Variants in BEND4 observed in about 807,000 individuals in gnomAD.
BEND4 encodes BEN domain-containing protein 4.
In BEND4, 27 loss-of-function variants were observed where a neutral mutation model predicts 54.7. That is an observed-to-expected ratio of 0.49 (90% CI 0.36 to 0.68). The LOEUF is 0.68. BEND4 is among the 30% of genes least tolerant of loss of function. The pLI is 0.00. For synonymous variants in BEND4, 327 were observed against 299.5 expected (o/e 1.09, Z -0.95); for missense variants, 702 against 697.2 (o/e 1.01, Z -0.08).
Position 42,116,489 on chromosome 4 carries a change from G to A in BEND4, c.*1029C>T, listed in dbSNP as rs1204239802. 2 of 152,198 alleles carry A rather than the reference G, an allele frequency of 1.3e-5. No individual in the cohort carries two copies. Among genetic ancestry groups the A allele is most frequent in the African/African-American group, 2.4e-5 (1 of 41,428 alleles). 9.4% of individuals were successfully genotyped at this position (152,198 alleles called of 1,614,324 possible). ...GAGGGGATGAAATGTTTTCATCAAG[G>A]ACAATGGGAAACAAGTTTCATACAA... On this transcript the variant is annotated 3_prime_UTR_variant, in exon 6 of 6. Transcript: ENST00000502486.
At position 42,152,513 on chromosome 4, in the gene BEND4, G is replaced by C. The variant is rs1241015197; in HGVS notation, c.-234+19C>G. The C allele has an allele frequency of 6.4e-6, 1 of 155,720 alleles. No homozygotes were observed. Among genetic ancestry groups the C allele is most frequent in the African/African-American group, 2.4e-5 (1 of 41,660 alleles). 9.6% of individuals were successfully genotyped at this position (155,720 alleles called of 1,614,324 possible). ...TCCGCGCCTCCGACGGGGAGCGGGG[G>C]AAGGGGGAAAGCGAGGACCTGGAGG... On this transcript the variant is annotated intron_variant, in intron 1 of 5. Coordinates refer to ENST00000502486, the MANE Select transcript of BEND4 (RefSeq NM_207406.4).
At chr4:42,147,353 C>A (rs1376715862) in intron 2 of BEND4, among the ~76,000 whole-genome samples, 8 of 152,118 alleles carry the variant, frequency 5.3e-5, no homozygotes, top group African/African-American at 1.9e-4. Context: ...AATTATAAAT[C>A]CAAGTACTGT....
rs1452129464 is a variant in BEND4 at position 42,151,723 on chromosome 4, C to G, written c.421G>C (p.Gly141Arg). The G allele has an allele frequency of 6.6e-7, 1 of 1,505,350 alleles. No homozygotes were observed. Among genetic ancestry groups the G allele is most frequent in the Non-Finnish European group, 8.8e-7 (1 of 1,132,160 alleles). 93.2% of individuals were successfully genotyped at this position (1,505,350 alleles called of 1,614,324 possible). Residue 141 changes from glycine to arginine, a missense_variant, in exon 2 of 6, where the codon GGC (glycine) becomes CGC (arginine). Physicochemically the swap from Gly to Arg is moderately radical, Grantham distance 125. Transcript: ENST00000502486. Reference sequence around the variant, plus strand: ...CCGGTGCCGGCGGCCGCCGCCGCGCCTGGGCCATACCTGACGACAGCGGCG... The same window carrying G: ...CCGGTGCCGGCGGCCGCCGCCGCGCGTGGGCCATACCTGACGACAGCGGCG... The part of the protein sequence containing the change: ...SFAAVVRYGP[G>R]AAAAAGTGGT...
chr4:42,148,845 G>A (rs572305857), intron 2 of BEND4, among the ~76,000 whole-genome samples: 24 of 152,118 alleles, frequency 1.6e-4, no homozygotes, highest in Admixed American at 1.6e-3. Context: ...ATCTACGTGG[G>A]TTTTAACTCT....
chr4:42,132,127 T>TG (rs1720528739), intron 3 of BEND4, among the ~76,000 whole-genome samples: 1 of 152,250 alleles, frequency 6.6e-6, no homozygotes. Flanking sequence ...CGGAGGTGCA[T>TG]GGGCACTGAA....
intron 4 of BEND4, among the ~76,000 whole-genome samples, chr4:42,123,694 GA>G (rs71664396): frequency 8.5e-3 from 433 of 50,814 alleles, no homozygotes; most frequent in South Asian, 0.023. Context: ...CTGTAATTCA[GA>G]AAAAAAAAAA....
chr4:42,117,765 G>GA, intron 5 of BEND4, 30 bp from the exon 6 acceptor site: 2 of 1,472,778 alleles, frequency 1.4e-6, no homozygotes, highest in Non-Finnish European at 1.8e-6. Context: ...ATCAAAAAGA[G>GA]AGAGAGAAAA....
intron 3 of BEND4, among the ~76,000 whole-genome samples, chr4:42,133,587 G>A (rs1353149224): frequency 6.6e-6 from 1 of 152,234 alleles, no homozygotes; most frequent in Non-Finnish European, 1.5e-5. Flanking sequence ...AGGCGCCGTG[G>A]CTCATGCCCG....
At chr4:42,124,987 A>T (rs761741616) in intron 4 of BEND4, among the ~76,000 whole-genome samples, 6 of 152,252 alleles carry the variant, frequency 3.9e-5, no homozygotes, top group Non-Finnish European at 7.4e-5. Context: ...TCCCCAGGGG[A>T]TTCTCATGGG....
rs1282484594 is a variant in BEND4, at chr4:42,111,372, T to C, written c.*6146A>G. 2.6e-5 allele frequency: 4 copies of C among 152,132 alleles called. No homozygotes were observed. The highest frequency in any genetic ancestry group is 6.5e-5 in the Admixed American group (1 of 15,270). The allele number at this position is 152,132 out of a possible 1,614,324, so 9.4% of individuals were successfully genotyped here. On this transcript the variant is annotated 3_prime_UTR_variant, in exon 6 of 6. Transcript: ENST00000502486. ...CTCCACAAGTATTCATCATAGAAAA[T>C]AGAGTAAAGGCAACTCGGCCCCGGT...
Position 42,143,917 on chromosome 4 carries a change from G to A in BEND4, c.565C>T (p.Leu189=), listed in dbSNP as rs753805338. The A allele has an allele frequency of 3.3e-6, 5 of 1,537,468 alleles. No individual in the cohort carries two copies. Among genetic ancestry groups the A allele is most frequent in the Non-Finnish European group, 4.4e-6 (5 of 1,146,240 alleles). Residue 189 remains leucine (L), a synonymous_variant, in exon 3 of 6, where the codon CTG becomes TTG. Transcript: ENST00000502486. ...LSLLNCGGKL[L]DSNHSQSMIS... is the part of the protein sequence containing the mutation. Reference sequence around the variant, plus strand: ...ATGGACTGAGAATGGTTGGAGTCCAGGAGTTTTCCTCCACAATTTAAGAGG... The same window carrying A: ...ATGGACTGAGAATGGTTGGAGTCCAAGAGTTTTCCTCCACAATTTAAGAGG...
chr4:42,129,239 GGA>G (rs1720414658), intron 3 of BEND4, among the ~76,000 whole-genome samples: 1 of 152,108 alleles, frequency 6.6e-6, no homozygotes, highest in East Asian at 1.9e-4. Flanking sequence ...ACCTCTTCAA[GGA>G]GAACTACAAA....
chr4:42,112,926 GGTGAC>G lies in BEND4; in HGVS notation c.*4587_*4591del, dbSNP rs1465935962. On this transcript the variant is annotated 3_prime_UTR_variant, in exon 6 of 6. Coordinates refer to ENST00000502486, the MANE Select transcript of BEND4 (RefSeq NM_207406.4). ...TTTGCAGAGGACTACCCATCTGCTG[GGTGAC>G]GTTTTCCTACATTACTCCAACTGAA... The G allele has an allele frequency of 1.3e-5, 2 of 152,110 alleles. No individual in the cohort carries two copies. The highest frequency in any genetic ancestry group is 2.9e-5 in the Non-Finnish European group (2 of 68,022). 9.4% of individuals were successfully genotyped at this position (152,110 alleles called of 1,614,324 possible). A position where few individuals can be genotyped will look rare whatever the true frequency, so the allele number is the denominator to read the frequency against.
chr4:42,144,354 G>A (rs1185250448), intron 2 of BEND4, among the ~76,000 whole-genome samples: 1 of 152,192 alleles, frequency 6.6e-6, no homozygotes, highest in East Asian at 1.9e-4. Context: ...AGCCACTGCA[G>A]ACTCAATTCC....
Position 42,151,504 on chromosome 4 carries a change from T to C in BEND4, c.487+153A>G, listed in dbSNP as rs1721280635. On this transcript the variant is annotated intron_variant, in intron 2 of 5. Transcript: ENST00000502486. ...GCGGCGCTGGAGAATCCTCTCGAAG[T>C]TTCCGGGTGCGCGGGGAGGCCCCAG... 3 of 770,782 alleles carry C rather than the reference T, an allele frequency of 3.9e-6. No homozygotes were observed. The South Asian group carries it at 1.0e-4, about 26-fold the overall frequency. The allele number at this position is 770,782 out of a possible 1,614,324, so 47.7% of individuals were successfully genotyped here.
intron 4 of BEND4, among the ~76,000 whole-genome samples, chr4:42,124,435 T>G (rs1720191984): frequency 6.6e-6 from 1 of 152,082 alleles, no homozygotes; most frequent in South Asian, 2.1e-4. Context: ...AAGCATGAAC[T>G]CTGGAGAACA....
chr4:42,120,498 T>C (rs527249708), intron 4 of BEND4, among the ~76,000 whole-genome samples: 4 of 152,320 alleles, frequency 2.6e-5, no homozygotes, highest in Non-Finnish European at 1.5e-5. Context: ...CAAGAGCCAA[T>C]GAGGTATAAT....
intron 4 of BEND4, among the ~76,000 whole-genome samples, chr4:42,122,171 A>G (rs1720091688): frequency 6.6e-6 from 1 of 152,190 alleles, no homozygotes; most frequent in Non-Finnish European, 1.5e-5. Flanking sequence ...TGCCCCAAGC[A>G]CTTTGCACAC....
rs1719724308 is a variant in BEND4, at chr4:42,114,620, A to T, written c.*2898T>A. On this transcript the variant is annotated 3_prime_UTR_variant, in exon 6 of 6. Coordinates refer to ENST00000502486, the MANE Select transcript of BEND4 (RefSeq NM_207406.4). ...ATGCAGAAAATCAAATCAAAATAAT[A>T]AGCAACACCTTCAAGTCTCCAAGGA... The T allele has an allele frequency of 6.6e-6, 1 of 152,214 alleles. No individual in the cohort carries two copies. Among genetic ancestry groups the T allele is most frequent in the South Asian group, 2.1e-4 (1 of 4,824 alleles). The allele number at this position is 152,214 out of a possible 1,614,324, so 9.4% of individuals were successfully genotyped here. A position where few individuals can be genotyped will look rare whatever the true frequency, so the allele number is the denominator to read the frequency against.
Sources: allele counts gnomAD v4.1 joint callset (sites outside exome capture counted in the v4.1 genomes callset), GRCh38; gene constraint gnomAD v4.1.1; transcripts MANE v1.5; gene names NCBI Gene and HGNC (gene_info 2026-07-23, HGNC 2026-07-21).